MICAL2: variants seen among roughly 807,000 people sequenced by gnomAD.
MICAL2 encodes the protein [F-actin]-monooxygenase MICAL2.
MICAL2 carries 77 observed loss-of-function variants against 127.3 expected under a neutral mutation model. The observed-to-expected ratio is 0.60, with a 90% CI of 0.50 to 0.73. MICAL2 has a LOEUF of 0.73. Ranked by LOEUF, MICAL2 falls within the 30% of genes least tolerant of loss-of-function variation. MICAL2 has a pLI of 0.00. For missense variants in MICAL2, 1,351 were observed against 1,434.4 expected (o/e 0.94, Z 0.94); for synonymous variants, 570 against 551.1 (o/e 1.03, Z -0.48).
intron 24 of MICAL2, among the ~76,000 whole-genome samples, chr11:12,269,081 T>C (rs11022268): frequency 0.91 from 138,033 of 152,228 alleles, 63,384 homozygotes; most frequent in Non-Finnish European, 0.95. Context: ...TCTTTTCCCA[T>C]CCCCAACCCA....
chr11:12,293,562 T>C (rs1863930741), downstream of MICAL2: 4 of 1,599,930 alleles, frequency 2.5e-6, no homozygotes, highest in Admixed American at 3.4e-5. Context: ...CCCATCTAGA[T>C]GACAGCTTCT....
intron 3 of MICAL2, among the ~76,000 whole-genome samples, chr11:12,176,522 T>A (rs1856858835): frequency 6.6e-6 from 1 of 152,172 alleles, no homozygotes; most frequent in Non-Finnish European, 1.5e-5. Context: ...TAACCATCTT[T>A]AAGTGCACAG....
chr11:12,211,091 G>T (rs1384497985), intron 6 of MICAL2, among the ~76,000 whole-genome samples: 1 of 152,170 alleles, frequency 6.6e-6, no homozygotes, highest in Non-Finnish European at 1.5e-5. Flanking sequence ...GGAAACCCAA[G>T]GTTGTTGGCC....
At chr11:12,255,558 C>G in intron 22 of MICAL2, 85 bp from the exon 23 acceptor site, 1 of 1,189,726 alleles carries the variant, frequency 8.4e-7, no homozygotes, top group Non-Finnish European at 1.2e-6. Context: ...AGCCCTCTCC[C>G]CATCCATCCT....
At chr11:12,203,774 A>T (rs533964772) in intron 3 of MICAL2, among the ~76,000 whole-genome samples, 4 of 152,246 alleles carry the variant, frequency 2.6e-5, no homozygotes, top group African/African-American at 4.8e-5. Context: ...AGTCTCATTT[A>T]TTAATTTTTT....
chr11:12,223,501 G>A lies in MICAL2; in HGVS notation c.1540G>A (p.Glu514Lys), dbSNP rs369473415. ...VRRSVNLSRK[E>K]SDIRPSKLLT... ...GAGATCTGTCAACCTCTCCAGGAAG[G>A]GTAAGCGGCCCTCCTGGGACCCTGG... is the stretch of plus-strand genomic sequence containing the variant. The change falls in exon 12 of 28, where the codon GAG becomes AAG. Residue 514 changes from glutamate to lysine, a missense_variant and splice_region_variant. By Grantham distance (56) the Glu-to-Lys change is moderately conservative. Transcript: ENST00000683283. 3.0e-5 allele frequency: 48 copies of A among 1,613,430 alleles called. No individual in the cohort carries two copies. Among genetic ancestry groups the A allele is most frequent in the Middle Eastern group, 1.7e-4 (1 of 5,806 alleles).
At chr11:12,191,090 C>T (rs147184078) in intron 3 of MICAL2, among the ~76,000 whole-genome samples, 1 of 152,298 alleles carries the variant, frequency 6.6e-6, no homozygotes, top group African/African-American at 2.4e-5. Flanking sequence ...TCTGGGGATA[C>T]AGCTATGAAT....
intron 6 of MICAL2, among the ~76,000 whole-genome samples, chr11:12,210,577 A>G (rs187481110): frequency 1.2e-4 from 18 of 152,316 alleles, no homozygotes; most frequent in African/African-American, 4.1e-4. Context: ...CACCTCGCCA[A>G]CCATAGGTCA....
chr11:12,187,080 T>C (rs1394819559), intron 3 of MICAL2, among the ~76,000 whole-genome samples: 1 of 152,236 alleles, frequency 6.6e-6, no homozygotes, highest in South Asian at 2.1e-4. Context: ...AGGACTCTGA[T>C]CCTGTGTCCC....
intron 2 of MICAL2, among the ~76,000 whole-genome samples, chr11:12,143,205 G>A (rs11022196): frequency 0.43 from 65,365 of 151,946 alleles, 14,217 homozygotes; most frequent in Middle Eastern, 0.53. Context: ...GGAGGCAGAC[G>A]GTTCTCCAAG....
intron 1 of MICAL2, among the ~76,000 whole-genome samples, chr11:12,136,451 T>C (rs1299543410): frequency 6.6e-6 from 1 of 152,162 alleles, no homozygotes; most frequent in Non-Finnish European, 1.5e-5. Flanking sequence ...CAGTGTTAAC[T>C]ACCCAAGGCA....
chr11:12,267,794 G>A (rs950484097), downstream of MICAL2, among the ~76,000 whole-genome samples: 1 of 152,116 alleles, frequency 6.6e-6, no homozygotes, highest in Non-Finnish European at 1.5e-5. Flanking sequence ...TAGAGACAGG[G>A]TTTTGCCAGG....
intron 32 of MICAL2, among the ~76,000 whole-genome samples, chr11:12,336,778 C>A (rs1938771879): frequency 1.3e-5 from 2 of 152,118 alleles, no homozygotes; most frequent in Admixed American, 1.3e-4. Context: ...TATGTTGAAC[C>A]AGCCTTGCAT....
chr11:12,242,580 G>C, intron 19 of MICAL2, 91 bp from the exon 20 acceptor site: 1 of 1,449,998 alleles, frequency 6.9e-7, no homozygotes, highest in East Asian at 2.3e-5. Context: ...CAAGGCCCCC[G>C]GCTGCCTCCC....
intron 2 of MICAL2, among the ~76,000 whole-genome samples, chr11:12,159,095 A>C (rs866889505): frequency 4.6e-5 from 7 of 150,958 alleles, no homozygotes; most frequent in African/African-American, 1.7e-4. Context: ...ATCTCCCTCC[A>C]CCTCCCCTTA....
chr11:12,111,375 A>C (rs1345247000), intron 1 of MICAL2, among the ~76,000 whole-genome samples: 3 of 152,148 alleles, frequency 2.0e-5, no homozygotes, highest in African/African-American at 7.2e-5. Flanking sequence ...GCACCCCCGC[A>C]GGGTGTCCGC....
intron 12 of MICAL2, among the ~76,000 whole-genome samples, chr11:12,224,199 C>T (rs1223632043): frequency 6.6e-6 from 1 of 152,206 alleles, no homozygotes; most frequent in East Asian, 1.9e-4. Flanking sequence ...CCTGGAATGA[C>T]TTCTTCCGTC....
At chr11:12,194,356 A>C (rs992458498) in intron 3 of MICAL2, among the ~76,000 whole-genome samples, 1 of 152,228 alleles carries the variant, frequency 6.6e-6, no homozygotes, top group East Asian at 1.9e-4. Context: ...CAGCCTTATA[A>C]CAGGCCTGGC....
At chr11:12,185,030 G>A (rs925391535) in intron 3 of MICAL2, among the ~76,000 whole-genome samples, 3 of 139,636 alleles carry the variant, frequency 2.1e-5, no homozygotes, top group Non-Finnish European at 4.7e-5. Flanking sequence ...TTCAAATGAG[G>A]TGTTTGTAGA....
Sources: gnomAD v4.1 joint callset for allele counts (sites outside exome capture counted in the v4.1 genomes callset) on GRCh38, gnomAD v4.1.1 for gene constraint, MANE v1.5 for transcripts, NCBI Gene and HGNC (gene_info 2026-07-23, HGNC 2026-07-21) for gene names.